TCF20: variants seen among roughly 807,000 people sequenced by gnomAD.
The protein encoded by TCF20 is SPRE-binding protein.
TCF20 carries 3 observed loss-of-function variants against 148.6 expected under a neutral mutation model. That is an observed-to-expected ratio of 0.02 (90% CI 0.01 to 0.05). The LOEUF (loss-of-function observed/expected upper bound fraction) is 0.05. TCF20 is among the 10% of genes least tolerant of loss of function. The probability of loss-of-function intolerance (pLI) is 1.00; values close to 1 mark genes in which losing one functional copy is unlikely to be tolerated. For synonymous variants in TCF20, 1,049 were observed against 909.5 expected, an observed-to-expected ratio of 1.15 and a Z score of -2.76; for missense variants, 2,350 against 2,429.3, an observed-to-expected ratio of 0.97 and a Z score of 0.69.
At chr22:42,296,549 C>T (rs1180504372) in intron 1 of TCF20, among the ~76,000 whole-genome samples, 1 of 152,246 alleles carries the variant, frequency 6.6e-6, no homozygotes, top group Non-Finnish European at 1.5e-5. Flanking sequence ...GCCCACCAGC[C>T]GGCCCCCTGG....
At chr22:42,229,628 A>G (rs145410410) in intron 1 of TCF20, among the ~76,000 whole-genome samples, 7 of 152,290 alleles carry the variant, frequency 4.6e-5, no homozygotes, top group African/African-American at 1.2e-4. Context: ...CTTTCCAACC[A>G]TACTGCTCAC....
Position 42,161,312 on chromosome 22 carries a change from C to G in TCF20, c.*91G>C. ...GTGTGGCTGCACGGTAGGACGATTT[C>G]CATTCCATCACGAGTGTCCACCACC... On this transcript the variant is annotated 3_prime_UTR_variant, in exon 6 of 6. Coordinates refer to ENST00000677622, the MANE Select transcript of TCF20 (RefSeq NM_001378418.1). 4 of 1,613,836 alleles carry G rather than the reference C, an allele frequency of 2.5e-6. No individual in the cohort carries two copies. The highest frequency in any genetic ancestry group is 3.4e-6 in the Non-Finnish European group (4 of 1,179,970).
intron 1 of TCF20, among the ~76,000 whole-genome samples, chr22:42,304,542 C>T (rs775939631): frequency 1.3e-5 from 2 of 152,172 alleles, no homozygotes; most frequent in Non-Finnish European, 2.9e-5. Context: ...CCGTGCACTG[C>T]CGCGCAGAGA....
intron 1 of TCF20, among the ~76,000 whole-genome samples, chr22:42,301,181 C>G (rs911256360): frequency 6.6e-6 from 1 of 151,906 alleles, no homozygotes; most frequent in Non-Finnish European, 1.5e-5. Flanking sequence ...GTTTATCTTG[C>G]GGGCACTAGG....
At chr22:42,197,821 A>G (rs902973763) in intron 2 of TCF20, among the ~76,000 whole-genome samples, 3 of 152,248 alleles carry the variant, frequency 2.0e-5, no homozygotes, top group Non-Finnish European at 2.9e-5. Context: ...AACAACATTA[A>G]TATCACTAAT....
Position 42,213,880 on chromosome 22 carries a change from A to T in TCF20, c.1426T>A (p.Ser476Thr). The T allele has an allele frequency of 2.5e-6, 4 of 1,614,210 alleles. No individual in the cohort carries two copies. Among genetic ancestry groups the T allele is most frequent in the Non-Finnish European group, 3.4e-6 (4 of 1,180,038 alleles). Reference protein sequence around the residue: ...LPNTVQHMLLSDALTPQKKTS... With the variant: ...LPNTVQHMLLTDALTPQKKTS... ...TTCTTCTGAGGAGTCAGGGCATCAG[A>T]AAGTAACATGTGCTGGACAGTGTTA... Residue 476 changes from serine (S) to threonine (T), a missense_variant, in exon 2 of 6, where the codon TCT (serine) becomes ACT (threonine). Ser to Thr is a moderately conservative substitution (Grantham distance 58). Coordinates refer to ENST00000677622, the MANE Select transcript of TCF20 (RefSeq NM_001378418.1).
intron 1 of TCF20, among the ~76,000 whole-genome samples, chr22:42,252,832 C>T (rs529961312): frequency 1.3e-5 from 2 of 152,182 alleles, no homozygotes; most frequent in South Asian, 2.1e-4. Flanking sequence ...ATATATAAAA[C>T]TATTTTAACA....
chr22:42,192,464 G>C (rs192949073), intron 2 of TCF20, among the ~76,000 whole-genome samples: 342 of 152,306 alleles, frequency 2.2e-3, no homozygotes, highest in African/African-American at 7.5e-3. Context: ...TTCTCAAACA[G>C]GTTGAGGTAT....
In TCF20 at chr22:42,251,520, T is replaced by TTTTTTG. The variant is rs1555947166; in HGVS notation, c.-37+18818_-37+18819insCAAAAA. Among the ~76,000 whole-genome samples, 8 of 115,716 alleles carry TTTTTTG rather than the reference T, an allele frequency of 6.9e-5. 1 individual carries two copies. The highest frequency in any genetic ancestry group is 3.2e-4 in the East Asian group (1 of 3,142). 75.9% of individuals were successfully genotyped at this position (115,716 alleles called of 152,430 possible). ...TTTTTTTTTTTTTTTTTTTTTTTTT[T>TTTTTTG]GAGACAGAATCTCACTCTGTCACCC... On this transcript the variant is annotated intron_variant, in intron 1 of 5. Transcript: ENST00000677622.
rs1431731053 is a variant in TCF20, at chr22:42,195,876, C to T, written c.5655+13775G>A. 2.6e-5 allele frequency among the ~76,000 whole-genome samples: 4 copies of T among 152,200 alleles called. No individual in the cohort carries two copies. In the East Asian group the frequency reaches 7.7e-4, roughly 29 times the overall value. ...CCTCTTCCCACTGGAGGTTACATTG[C>T]TTCTACGTGTCTCTTAAAGAACCTG... On this transcript the variant is annotated intron_variant, in intron 2 of 5. Coordinates refer to ENST00000677622, the MANE Select transcript of TCF20 (RefSeq NM_001378418.1).
chr22:42,330,292 A>T (rs1021376197), intron 1 of TCF20, among the ~76,000 whole-genome samples: 2 of 152,188 alleles, frequency 1.3e-5, no homozygotes, highest in Non-Finnish European at 2.9e-5. Flanking sequence ...CATCACAGTG[A>T]ACTTGCTGAG....
In TCF20 at chr22:42,270,535, C is replaced by T. The variant is rs1273612666; in HGVS notation, c.-233G>A. Among the ~76,000 whole-genome samples, 1 of 145,776 alleles carries T rather than the reference C, an allele frequency of 6.9e-6. No individual in the cohort carries two copies. The stretch of plus-strand genomic sequence containing the variant: ...TCGCTCCGGCCCGCGCGCTCGCTCC[C>T]CGGTCAGGCGCGCCTCAGGGCGGGC... On this transcript the variant is annotated 5_prime_UTR_variant, in exon 1 of 6. Transcript: ENST00000677622.
Position 42,297,018 on chromosome 22 carries a change from G to A in TCF20, c.-37+46461C>T, listed in dbSNP as rs1927249331. ...TAGTTAAACCCACTCTACAGATGTGGCAACTGAGTTCAGAGAGGTGCAGTA... is the reference window on the plus strand; with the variant it reads ...TAGTTAAACCCACTCTACAGATGTGACAACTGAGTTCAGAGAGGTGCAGTA... On this transcript the variant is annotated intron_variant, in intron 1 of 1. Transcript: ENST00000515426. The surrounding 1 kb of genome is among the most constrained non-coding windows in gnomAD (Gnocchi z 4.3). Among the ~76,000 whole-genome samples the A allele has an allele frequency of 6.6e-6, 1 of 152,158 alleles. No individual in the cohort carries two copies. The highest frequency in any genetic ancestry group is 2.1e-4 in the South Asian group (1 of 4,824).
intron 2 of TCF20, among the ~76,000 whole-genome samples, chr22:42,181,698 C>T (rs1234945566): frequency 6.6e-6 from 1 of 151,658 alleles, no homozygotes; most frequent in East Asian, 1.9e-4. Context: ...GTCTCTACCT[C>T]CCAGGCTCAG....
intron 1 of TCF20, among the ~76,000 whole-genome samples, chr22:42,340,669 T>G (rs1928147915): frequency 6.6e-6 from 1 of 152,100 alleles, no homozygotes; most frequent in Non-Finnish European, 1.5e-5. Flanking sequence ...CCATGCCCAT[T>G]CCTGGGACAA....
chr22:42,168,744 G>A lies in TCF20; in HGVS notation c.5800-8C>T, dbSNP rs183282164. 133 of 1,605,240 alleles carry A rather than the reference G, an allele frequency of 8.3e-5. No individual in the cohort carries two copies. The African/African-American group carries it at 1.2e-3, about 14-fold the overall frequency. On this transcript the variant is annotated splice_polypyrimidine_tract_variant and splice_region_variant and intron_variant, in intron 4 of 5. Transcript: ENST00000677622. ...AGGGCACGGAAGGGGAGGCTGACACGGGCAAAACCAAGAGGAGACAGACAG... is the reference window on the plus strand; with the variant it reads ...AGGGCACGGAAGGGGAGGCTGACACAGGCAAAACCAAGAGGAGACAGACAG...
Position 42,267,341 on chromosome 22 carries a change from C to G in TCF20, c.-37+2998G>C, listed in dbSNP as rs548760307. Among the ~76,000 whole-genome samples, 4 of 152,260 alleles carry G rather than the reference C, an allele frequency of 2.6e-5. No homozygotes were observed. In the South Asian group the frequency reaches 8.3e-4, roughly 32 times the overall value. The stretch of plus-strand genomic sequence containing the variant: ...TTAAACACCACACTGAACGCAAGGT[C>G]ATAATTCAAATCCTAACAAACTGTT... On this transcript the variant is annotated intron_variant, in intron 1 of 5. Transcript: ENST00000677622.
chr22:42,249,084 G>A (rs1041253821), intron 1 of TCF20, among the ~76,000 whole-genome samples: 1 of 152,214 alleles, frequency 6.6e-6, no homozygotes, highest in Non-Finnish European at 1.5e-5. Context: ...CTGAGAGCTA[G>A]AACAGACTTT....
At chr22:42,174,429 G>C (rs1368937227) in intron 3 of TCF20, among the ~76,000 whole-genome samples, 1 of 152,158 alleles carries the variant, frequency 6.6e-6, no homozygotes, top group African/African-American at 2.4e-5. Flanking sequence ...TTGCTGAAGT[G>C]TGCTCGGGTG....
Sources: gnomAD v4.1 joint callset for allele counts (sites outside exome capture counted in the v4.1 genomes callset) on GRCh38, gnomAD v4.1.1 for gene constraint, Gnocchi (gnomAD v3.1) non-coding constraint, MANE v1.5 for transcripts, NCBI Gene and HGNC (gene_info 2026-07-23, HGNC 2026-07-21) for gene names.